The following CNTN4 variants were observed in gnomAD, a reference collection of about 807,000 sequenced individuals.
CNTN4 encodes contactin 4, also known as contactin-4.
A neutral mutation model predicts 122.5 loss-of-function variants in CNTN4; 77 were observed. The ratio of observed to expected loss-of-function variants is 0.63; its 90% CI spans 0.52 to 0.76. The LOEUF (loss-of-function observed/expected upper bound fraction) is 0.76, where lower values mean the gene tolerates loss of function less well. Among genes scored for constraint, CNTN4 ranks in the 30% least tolerant of loss-of-function variants. The pLI is 0.00. For missense variants in CNTN4, 1,256 were observed against 1,259.1 expected (o/e 1.00, Z 0.04); for synonymous variants, 512 against 447.0 (o/e 1.15, Z -1.83).
chr3:2,233,413 C>A (rs529188213), intron 2 of CNTN4, among the ~76,000 whole-genome samples: 1 of 152,028 alleles, frequency 6.6e-6, no homozygotes, highest in Non-Finnish European at 1.5e-5. Context: ...TTTTGTTTTT[C>A]GCAGTCTTGT....
At chr3:2,905,241 A>G (rs1006160802) in intron 12 of CNTN4, among the ~76,000 whole-genome samples, 1 of 152,246 alleles carries the variant, frequency 6.6e-6, no homozygotes. Context: ...CCAGCAAACT[A>G]GAAGTGTTAG....
At chr3:2,200,112 C>G (rs569021043) in intron 2 of CNTN4, among the ~76,000 whole-genome samples, 7 of 152,120 alleles carry the variant, frequency 4.6e-5, no homozygotes, top group Admixed American at 6.6e-5. Flanking sequence ...AATGGATTCA[C>G]GAGGATAAAG....
At chr3:2,360,792 A>T (rs2045101835) in intron 3 of CNTN4, among the ~76,000 whole-genome samples, 1 of 152,106 alleles carries the variant, frequency 6.6e-6, no homozygotes, top group Non-Finnish European at 1.5e-5. Context: ...TGATTCAGCT[A>T]CCTTCACCTG....
intron 2 of CNTN4, among the ~76,000 whole-genome samples, chr3:2,173,410 C>A (rs73806371): frequency 3.9e-4 from 59 of 152,258 alleles, no homozygotes; most frequent in African/African-American, 1.4e-3. Flanking sequence ...ATGTAATTTA[C>A]CTGTATTAGA....
chr3:2,240,118 T>C (rs560017042), intron 2 of CNTN4, among the ~76,000 whole-genome samples: 2 of 152,274 alleles, frequency 1.3e-5, no homozygotes, highest in Admixed American at 1.3e-4. Context: ...CTAATCTTAG[T>C]TCCTTTTGTT....
intron 4 of CNTN4, among the ~76,000 whole-genome samples, chr3:2,711,970 T>C (rs577413144): frequency 6.6e-6 from 1 of 152,196 alleles, no homozygotes; most frequent in South Asian, 2.1e-4. Context: ...TATTAAGACT[T>C]TTTAAAAAAT....
chr3:2,891,295 T>C (rs2094037179), intron 10 of CNTN4, among the ~76,000 whole-genome samples: 1 of 152,074 alleles, frequency 6.6e-6, no homozygotes, highest in South Asian at 2.1e-4. Context: ...AATATAAAAA[T>C]TAGCTGGGTG....
Position 2,709,476 on chromosome 3 carries a change from A to C in CNTN4, c.56-26739A>C, listed in dbSNP as rs550390029. ...GCAATGGGGGATGGGAACTACTGAA[A>C]CCTAATCCCCGCAATTACAGGGTTT... On this transcript the variant is annotated intron_variant, in intron 4 of 24. Coordinates refer to ENST00000418658, the MANE Select transcript of CNTN4 (RefSeq NM_175607.3). This position sits in a 1 kb window ranked among gnomAD's most constrained non-coding sequence, Gnocchi z 5.0. Among the ~76,000 whole-genome samples the C allele has an allele frequency of 6.6e-6, 1 of 152,270 alleles. No homozygotes were observed. Among genetic ancestry groups the C allele is most frequent in the South Asian group, 2.1e-4 (1 of 4,826 alleles).
At position 2,880,738 on chromosome 3, in the gene CNTN4, G is replaced by A. The variant is rs144690171; in HGVS notation, c.653-2407G>A. On this transcript the variant is annotated intron_variant, in intron 8 of 24. Coordinates refer to ENST00000418658, the MANE Select transcript of CNTN4 (RefSeq NM_175607.3). Reference sequence around the variant, plus strand: ...ATTCATTTCGTGGTGAGAGGCCTTCGTAAGAGATTAAGATGAGGAGTCAGG... The same window carrying A: ...ATTCATTTCGTGGTGAGAGGCCTTCATAAGAGATTAAGATGAGGAGTCAGG... 2.8e-3 allele frequency among the ~76,000 whole-genome samples: 427 copies of A among 152,294 alleles called. 1 individual carries two copies. The highest frequency in any genetic ancestry group is 9.4e-3 in the African/African-American group (389 of 41,564).
intron 4 of CNTN4, among the ~76,000 whole-genome samples, chr3:2,625,980 T>G (rs972905810): frequency 1.3e-5 from 2 of 152,228 alleles, no homozygotes; most frequent in African/African-American, 2.4e-5. Context: ...GACTTTTGCC[T>G]GTTTGACAAT....
chr3:2,248,114 G>A (rs1403635), intron 2 of CNTN4, among the ~76,000 whole-genome samples: 115,997 of 151,806 alleles, frequency 0.76, 44,546 homozygotes, highest in East Asian at 0.96. Context: ...GTGCAATAAA[G>A]TAAGAACCTA....
chr3:2,295,775 T>G (rs1322755611), intron 2 of CNTN4, among the ~76,000 whole-genome samples: 9 of 152,176 alleles, frequency 5.9e-5, no homozygotes, highest in Non-Finnish European at 1.3e-4. Context: ...TGAATCGTAT[T>G]GCCTAGGTTT....
intron 7 of CNTN4, among the ~76,000 whole-genome samples, chr3:2,852,124 TG>T (rs1196658914): frequency 6.6e-6 from 1 of 152,216 alleles, no homozygotes; most frequent in Admixed American, 6.5e-5. Context: ...TTATAATTTT[TG>T]CTACTTCTAT....
intron 13 of CNTN4, among the ~76,000 whole-genome samples, chr3:2,947,835 A>C (rs2094695417): frequency 6.6e-6 from 1 of 152,236 alleles, no homozygotes; most frequent in Non-Finnish European, 1.5e-5. Context: ...AGCCTAACTT[A>C]GTGCCTGGTA....
At position 2,930,858 on chromosome 3, in the gene CNTN4, C is replaced by T. The variant is rs961225143; in HGVS notation, c.1358+5079C>T. 7.9e-5 allele frequency among the ~76,000 whole-genome samples: 12 copies of T among 152,128 alleles called. 1 individual carries two copies. The highest frequency in any genetic ancestry group is 1.9e-4 in the African/African-American group (8 of 41,412). On this transcript the variant is annotated intron_variant, in intron 13 of 24. Transcript: ENST00000418658. Reference sequence around the variant, plus strand: ...AGCCCTCACGGTGCTCATAGACTAGCGCAGAGGCCCAGTAGCACAATATCA... The same window carrying T: ...AGCCCTCACGGTGCTCATAGACTAGTGCAGAGGCCCAGTAGCACAATATCA...
At chr3:2,170,289 C>A (rs1351429345) in intron 2 of CNTN4, among the ~76,000 whole-genome samples, 1 of 151,924 alleles carries the variant, frequency 6.6e-6, no homozygotes, top group East Asian at 1.9e-4. Flanking sequence ...CACCGCACTC[C>A]AGCCTGGGCG....
intron 4 of CNTN4, among the ~76,000 whole-genome samples, chr3:2,681,522 A>G (rs1003106764): frequency 6.6e-6 from 1 of 152,144 alleles, no homozygotes; most frequent in African/African-American, 2.4e-5. Flanking sequence ...GATGCCACTC[A>G]CTGGCCTGCC....
At chr3:2,866,596 G>A (rs1241533726) in intron 7 of CNTN4, 156 bp from the exon 8 acceptor site, 27 of 1,122,788 alleles carry the variant, frequency 2.4e-5, no homozygotes, top group Admixed American at 6.6e-5. Context: ...AAAATGCCAC[G>A]GGGGACTGTG....
rs1235720765 is a variant in CNTN4 at position 2,668,708 on chromosome 3, A to G, written c.56-67507A>G. Among the ~76,000 whole-genome samples, 5 of 152,192 alleles carry G rather than the reference A, an allele frequency of 3.3e-5. No homozygotes were observed. The East Asian group carries it at 7.7e-4, about 23-fold the overall frequency. Reference sequence around the variant, plus strand: ...GAATGCTTCCAGTTTTTGCCCATTCAGTATGATATTGGCTGTGGGTTTGTC... The same window carrying G: ...GAATGCTTCCAGTTTTTGCCCATTCGGTATGATATTGGCTGTGGGTTTGTC... On this transcript the variant is annotated intron_variant, in intron 4 of 24. Coordinates refer to ENST00000418658, the MANE Select transcript of CNTN4 (RefSeq NM_175607.3).
Sources: allele counts gnomAD v4.1 joint callset (sites outside exome capture counted in the v4.1 genomes callset), GRCh38; gene constraint gnomAD v4.1.1; non-coding constraint Gnocchi (gnomAD v3.1); transcripts MANE v1.5; gene names NCBI Gene and HGNC (gene_info 2026-07-23, HGNC 2026-07-21).